The following ANK1 variants were observed in gnomAD, a reference collection of about 807,000 sequenced individuals.
ANK1 encodes ankyrin-1.
A neutral mutation model predicts 210.4 loss-of-function variants in ANK1; 51 were observed. That is an observed-to-expected ratio of 0.24 (90% CI 0.19 to 0.31). ANK1 has a LOEUF of 0.31. Among genes scored for constraint, ANK1 ranks in the 10% least tolerant of loss-of-function variants. The pLI, the probability that ANK1 is intolerant of heterozygous loss-of-function variation, is 1.00. For synonymous variants in ANK1, 967 were observed against 1,025.9 expected (o/e 0.94, Z 1.10); for missense variants, 2,051 against 2,504.4 (o/e 0.82, Z 3.86).
At chr8:41,705,295 C>A (rs980695157) in intron 18 of ANK1, among the ~76,000 whole-genome samples, 1 of 152,242 alleles carries the variant, frequency 6.6e-6, no homozygotes, top group Non-Finnish European at 1.5e-5. Flanking sequence ...CAAGGCCATT[C>A]TAACCCACAG....
chr8:41,721,835 T>C (rs1307000053), intron 9 of ANK1, among the ~76,000 whole-genome samples: 1 of 152,168 alleles, frequency 6.6e-6, no homozygotes, highest in Non-Finnish European at 1.5e-5. Flanking sequence ...TTCAGAAAGG[T>C]TGTACGATAG....
chr8:41,856,402 G>C (rs1242261705), intron 1 of ANK1, among the ~76,000 whole-genome samples: 1 of 152,160 alleles, frequency 6.6e-6, no homozygotes, highest in Admixed American at 6.5e-5. Flanking sequence ...AGAGAGGAGA[G>C]GCTTTATGCA....
intron 1 of ANK1, chr8:41,839,993 G>A (rs897208053): frequency 2.0e-5 from 3 of 152,004 alleles, no homozygotes; most frequent in African/African-American, 7.2e-5. Context: ...CTCTGTACAA[G>A]CTTTGCAATT....
At chr8:41,715,140 C>T in intron 14 of ANK1, 66 bp from the exon 15 acceptor site, 3 of 1,432,688 alleles carry the variant, frequency 2.1e-6, no homozygotes, top group East Asian at 2.3e-5. Flanking sequence ...AAAGGGCCCA[C>T]AGCAAAGGAG....
chr8:41,690,720 G>A, intron 31 of ANK1, 121 bp from the exon 32 acceptor site: 9 of 1,464,332 alleles, frequency 6.1e-6, no homozygotes, highest in Non-Finnish European at 7.5e-6. Flanking sequence ...GCATGCGGGT[G>A]TGTGCTGAGA....
At chr8:41,706,317 G>T in intron 17 of ANK1, 76 bp from the exon 18 acceptor site, 1 of 1,363,886 alleles carries the variant, frequency 7.3e-7, no homozygotes. Context: ...TCTGAGGTCT[G>T]GGAGCTGAAG....
Position 41,733,964 on chromosome 8 carries a change from G to A in ANK1, c.228+7C>T. Reference sequence around the variant, plus strand: ...TGCAAAGCTCCCCCACTCCCTGTGAGACATACCTTGGTTGTCGTTTCTAGA... The same window carrying A: ...TGCAAAGCTCCCCCACTCCCTGTGAAACATACCTTGGTTGTCGTTTCTAGA... On this transcript the variant is annotated splice_region_variant and intron_variant, in intron 3 of 42. Coordinates refer to ENST00000289734, the MANE Select transcript of ANK1 (RefSeq NM_000037.4). 1 of 1,613,428 alleles carries A rather than the reference G, an allele frequency of 6.2e-7. No homozygotes were observed. The highest frequency in any genetic ancestry group is 8.5e-7 in the Non-Finnish European group (1 of 1,179,314).
intron 39 of ANK1, chr8:41,664,767 A>C (rs1298618839): frequency 6.4e-7 from 1 of 1,565,784 alleles, no homozygotes. Flanking sequence ...TCCGGCGCCC[A>C]CACCACCAGC....
At chr8:41,675,317 G>T (rs1249843774) in intron 37 of ANK1, among the ~76,000 whole-genome samples, 1 of 152,154 alleles carries the variant, frequency 6.6e-6, no homozygotes, top group South Asian at 2.1e-4. Context: ...GGCTGGTCTC[G>T]AACTGCTGAC....
rs138437994 is a variant in ANK1, at chr8:41,825,020, C to T, written c.127-66883G>A. Among the ~76,000 whole-genome samples, 37 of 152,340 alleles carry T rather than the reference C, an allele frequency of 2.4e-4. No homozygotes were observed. The East Asian group carries it at 6.9e-3, about 29-fold the overall frequency. The stretch of plus-strand genomic sequence containing the variant: ...AAGTGAGCCCAAATTTCACAAGTTA[C>T]CAACAGAGTAACCTAAAGATGACCC... On this transcript the variant is annotated intron_variant, in intron 1 of 42. Transcript: ENST00000265709.
intron 1 of ANK1, among the ~76,000 whole-genome samples, chr8:41,872,913 GACAAAGGCAGAGAT>G (rs1410208757): frequency 7.9e-5 from 12 of 152,220 alleles, no homozygotes; most frequent in African/African-American, 2.9e-4. Flanking sequence ...GGTCTCTGTT[GACAAAGGCAGAGAT>G]TTTGAGGCAG....
intron 36 of ANK1, among the ~76,000 whole-genome samples, chr8:41,685,744 C>T (rs1323728364): frequency 6.6e-6 from 1 of 152,208 alleles, no homozygotes; most frequent in East Asian, 1.9e-4. Flanking sequence ...AAGTGATCCT[C>T]CTGCCTCAGC....
chr8:41,687,642 C>A (rs1262920902), intron 35 of ANK1, among the ~76,000 whole-genome samples: 3 of 152,228 alleles, frequency 2.0e-5, no homozygotes, highest in Non-Finnish European at 4.4e-5. Flanking sequence ...AAGCCTCTTT[C>A]ACCGCTGCAA....
At chr8:41,757,420 T>A (rs1233158962) in intron 2 of ANK1, among the ~76,000 whole-genome samples, 4 of 152,176 alleles carry the variant, frequency 2.6e-5, no homozygotes, top group South Asian at 2.1e-4. Flanking sequence ...ATTTAGTTAG[T>A]TCCTGGATCT....
At chr8:41,807,198 A>C (rs1221855557) in intron 1 of ANK1, among the ~76,000 whole-genome samples, 1 of 152,072 alleles carries the variant, frequency 6.6e-6, no homozygotes, top group African/African-American at 2.4e-5. Flanking sequence ...ATTGTTATTC[A>C]CTCATGACTC....
At chr8:41,896,668 G>C (rs1189840546) in exon 1 of ANK1, 24 of 695,254 alleles carry the variant, frequency 3.5e-5, no homozygotes, top group Non-Finnish European at 4.6e-5. Context: ...GAGGGCGAGG[G>C]GCGGCTGCCC....
chr8:41,863,937 G>C (rs748026380), intron 1 of ANK1, among the ~76,000 whole-genome samples: 1 of 152,032 alleles, frequency 6.6e-6, no homozygotes, highest in East Asian at 1.9e-4. Flanking sequence ...CACGTTCTGC[G>C]CTTTTGTTAA....
chr8:41,751,088 T>G (rs531902758), intron 2 of ANK1, among the ~76,000 whole-genome samples: 1 of 152,356 alleles, frequency 6.6e-6, no homozygotes, highest in East Asian at 1.9e-4. Context: ...TTTATTTTAT[T>G]TGGTTGACTC....
chr8:41,698,517 C>T (rs149390721), intron 23 of ANK1, among the ~76,000 whole-genome samples: 11 of 152,326 alleles, frequency 7.2e-5, no homozygotes, highest in African/African-American at 2.2e-4. Context: ...TGGTTTCACT[C>T]CCTGCTTGTT....
Sources: gnomAD v4.1 joint callset for allele counts (sites outside exome capture counted in the v4.1 genomes callset) on GRCh38, gnomAD v4.1.1 for gene constraint, MANE v1.5 for transcripts, NCBI Gene and HGNC (gene_info 2026-07-23, HGNC 2026-07-21) for gene names.